Variants in ANKRD17 observed in about 807,000 individuals in gnomAD.
ANKRD17 encodes ankyrin repeat domain-containing protein 17.
In ANKRD17, 19 loss-of-function variants were observed where a neutral mutation model predicts 229.7. The observed-to-expected ratio is 0.08, with a 90% CI of 0.06 to 0.12. The LOEUF (loss-of-function observed/expected upper bound fraction) is 0.12, where lower values mean the gene tolerates loss of function less well. Among genes scored for constraint, ANKRD17 ranks in the 10% least tolerant of loss-of-function variants. The pLI, the probability that ANKRD17 is intolerant of heterozygous loss-of-function variation, is 1.00. For missense variants in ANKRD17, 2,176 were observed against 3,176.8 expected, an observed-to-expected ratio of 0.68 and a Z score of 7.57; for synonymous variants, 1,112 against 1,146.1, an observed-to-expected ratio of 0.97 and a Z score of 0.60.
chr4:73,224,617 C>T (rs1166829664), intron 1 of ANKRD17, among the ~76,000 whole-genome samples: 1 of 152,094 alleles, frequency 6.6e-6, no homozygotes, highest in Non-Finnish European at 1.5e-5. Context: ...CCAGCTATGT[C>T]ATATTTTTAA....
chr4:73,164,565 T>C (rs1367283583), intron 2 of ANKRD17, among the ~76,000 whole-genome samples: 1 of 151,940 alleles, frequency 6.6e-6, no homozygotes, highest in African/African-American at 2.4e-5. Flanking sequence ...ACTTGGCGGG[T>C]GGATTTCCTG....
intron 5 of ANKRD17, 30 bp downstream of exon 5, chr4:73,155,601 T>C (rs757805118): frequency 1.2e-6 from 2 of 1,611,970 alleles, no homozygotes; most frequent in East Asian, 2.2e-5. Flanking sequence ...TGTTACTATG[T>C]AGTAAAACTG....
intron 1 of ANKRD17, among the ~76,000 whole-genome samples, chr4:73,230,693 C>T (rs1742960053): frequency 6.6e-6 from 1 of 152,150 alleles, no homozygotes; most frequent in South Asian, 2.1e-4. Flanking sequence ...AACGCTTCAT[C>T]CAGATGTGTC....
chr4:73,133,378 G>T (rs1182217487), intron 16 of ANKRD17, among the ~76,000 whole-genome samples: 1 of 148,570 alleles, frequency 6.7e-6, no homozygotes, highest in African/African-American at 2.5e-5. Flanking sequence ...CTCATCAAAT[G>T]AATGTCTCGT....
At chr4:73,178,524 C>T (rs972752412) in intron 1 of ANKRD17, among the ~76,000 whole-genome samples, 4 of 151,778 alleles carry the variant, frequency 2.6e-5, no homozygotes, top group African/African-American at 4.8e-5. Flanking sequence ...AGAATACAAT[C>T]ATATCAGTAC....
intron 1 of ANKRD17, among the ~76,000 whole-genome samples, chr4:73,214,166 A>T (rs1186202577): frequency 6.6e-6 from 1 of 152,194 alleles, no homozygotes; most frequent in Non-Finnish European, 1.5e-5. Context: ...TTTCCACACA[A>T]GGTTTTTCTC....
intron 18 of ANKRD17, among the ~76,000 whole-genome samples, chr4:73,123,675 AG>A (rs1727055563): frequency 6.6e-6 from 1 of 152,134 alleles, no homozygotes; most frequent in Non-Finnish European, 1.5e-5. Context: ...TAATTTTATT[AG>A]ATTTCCCATT....
intron 1 of ANKRD17, among the ~76,000 whole-genome samples, chr4:73,197,918 T>C (rs941065404): frequency 6.6e-6 from 1 of 152,218 alleles, no homozygotes; most frequent in African/African-American, 2.4e-5. Flanking sequence ...TTTTGGCTTG[T>C]ATTCAACTAT....
intron 31 of ANKRD17, among the ~76,000 whole-genome samples, chr4:73,078,008 G>A (rs1459037658): frequency 6.6e-6 from 1 of 152,192 alleles, no homozygotes; most frequent in Non-Finnish European, 1.5e-5. Flanking sequence ...CCAGCACTTT[G>A]GGAGGCTGAG....
chr4:73,220,214 G>C (rs1215547988), intron 1 of ANKRD17, among the ~76,000 whole-genome samples: 1 of 152,106 alleles, frequency 6.6e-6, no homozygotes, highest in African/African-American at 2.4e-5. Context: ...AACATAAACA[G>C]AACAAGAAAA....
At chr4:73,174,899 A>G (rs768314130) in intron 2 of ANKRD17, among the ~76,000 whole-genome samples, 1 of 152,212 alleles carries the variant, frequency 6.6e-6, no homozygotes, top group South Asian at 2.1e-4. Flanking sequence ...GAAACTATAA[A>G]ACACTGTTGC....
intron 16 of ANKRD17, among the ~76,000 whole-genome samples, chr4:73,130,018 G>C (rs886109760): frequency 1.3e-5 from 2 of 151,788 alleles, no homozygotes; most frequent in Non-Finnish European, 2.9e-5. Context: ...TCCCACCTTG[G>C]CCTCCCAAAG....
In ANKRD17 at chr4:73,077,415, A is replaced by T; in HGVS notation, c.7527T>A (p.Thr2509=). 1 of 1,613,818 alleles carries T rather than the reference A, an allele frequency of 6.2e-7. No individual in the cohort carries two copies. The highest frequency in any genetic ancestry group is 8.5e-7 in the Non-Finnish European group (1 of 1,179,876). Residue 2509 remains threonine, a synonymous_variant, in exon 32 of 34, where the codon ACT becomes ACA. Transcript: ENST00000358602. ...CATGCTGATGGAATGTACCAGAAGGAGTTACAATTCCTGTACTATCTCGCT... is the reference window on the plus strand; with the variant it reads ...CATGCTGATGGAATGTACCAGAAGGTGTTACAATTCCTGTACTATCTCGCT... The part of the protein sequence containing the change: ...AMERDSTGIV[T]PSGTFHQHVP...
chr4:73,114,056 G>GT, intron 23 of ANKRD17, 148 bp from the exon 24 acceptor site: 3 of 548,798 alleles, frequency 5.5e-6, no homozygotes, highest in Non-Finnish European at 9.8e-6. Flanking sequence ...AAATAAAAAC[G>GT]TAATTGACAT....
In ANKRD17 at chr4:73,086,952, A is replaced by C. The variant is rs866925782; in HGVS notation, c.6962-1506T>G. ...TATATATATATATATATATATATAT[A>C]TCTGTAGGATTTTAAATAGGTTTAA... On this transcript the variant is annotated intron_variant, in intron 29 of 33. Transcript: ENST00000358602. Among the ~76,000 whole-genome samples, 43 of 96,756 alleles carry C rather than the reference A, an allele frequency of 4.4e-4. 1 individual carries two copies. Among genetic ancestry groups the C allele is most frequent in the Admixed American group, 1.2e-3 (10 of 8,568 alleles). The allele number at this position is 96,756 out of a possible 152,430, so 63.5% of individuals were successfully genotyped here. A position where few individuals can be genotyped will look rare whatever the true frequency, so the allele number is the denominator to read the frequency against.
intron 1 of ANKRD17, among the ~76,000 whole-genome samples, chr4:73,252,404 T>G (rs906627296): frequency 6.6e-6 from 1 of 152,216 alleles, no homozygotes; most frequent in African/African-American, 2.4e-5. Flanking sequence ...ATCTGCTTAG[T>G]TAGAAGCAGT....
intron 1 of ANKRD17, among the ~76,000 whole-genome samples, chr4:73,217,657 C>A (rs1741259558): frequency 6.6e-6 from 1 of 152,120 alleles, no homozygotes; most frequent in South Asian, 2.1e-4. Flanking sequence ...CCACTCACTG[C>A]ACCTAGCCAA....
chr4:73,203,082 T>C (rs1296406748), intron 1 of ANKRD17, among the ~76,000 whole-genome samples: 1 of 152,210 alleles, frequency 6.6e-6, no homozygotes, highest in African/African-American at 2.4e-5. Context: ...AAGATAGCAG[T>C]AGAATTTATA....
intron 1 of ANKRD17, among the ~76,000 whole-genome samples, chr4:73,223,351 A>G (rs1174644625): frequency 6.6e-6 from 1 of 152,250 alleles, no homozygotes; most frequent in African/African-American, 2.4e-5. Context: ...AAGCTATTTA[A>G]CACGTCTGGC....
Sources: allele counts gnomAD v4.1 joint callset (sites outside exome capture counted in the v4.1 genomes callset), GRCh38; gene constraint gnomAD v4.1.1; transcripts MANE v1.5; gene names NCBI Gene and HGNC (gene_info 2026-07-23, HGNC 2026-07-21).